The following NSDHL variants were observed in gnomAD, a reference collection of about 807,000 sequenced individuals.
NSDHL encodes sterol-4-alpha-carboxylate 3-dehydrogenase, decarboxylating.
Under a neutral mutation model 23.0 loss-of-function variants are expected in NSDHL, and 1 was observed. That is an observed-to-expected ratio of 0.04 (90% CI 0.02 to 0.21). The LOEUF is 0.21. NSDHL is among the 10% of genes least tolerant of loss of function. NSDHL has a pLI of 1.00. For missense variants in NSDHL, 237 were observed against 300.9 expected, an observed-to-expected ratio of 0.79 and a Z score of 1.57; for synonymous variants, 128 against 121.1, an observed-to-expected ratio of 1.06 and a Z score of -0.37.
intron 3 of NSDHL, among the ~76,000 whole-genome samples, chrX:152,855,069 A>G (rs1044963854): frequency 2.9e-5 from 3 of 102,578 alleles, no homozygotes; most frequent in Non-Finnish European, 5.9e-5. Flanking sequence ...ATCTTGACTC[A>G]CTGCAAACTC....
chrX:152,865,434 T>C (rs1933591347), intron 5 of NSDHL, among the ~76,000 whole-genome samples: 1 of 112,914 alleles, frequency 8.9e-6, no homozygotes, highest in Non-Finnish European at 1.9e-5. Flanking sequence ...CACTGGAGGC[T>C]CACGGCTAAC....
At chrX:152,834,530 G>A (rs1186383070) in intron 1 of NSDHL, among the ~76,000 whole-genome samples, 4 of 112,570 alleles carry the variant, frequency 3.6e-5, no homozygotes, top group African/African-American at 1.3e-4. Flanking sequence ...TCCTAATCTG[G>A]GTATTTTCTT....
rs1206982075 is a variant in NSDHL at position 152,849,529 on chromosome X, C to T, written c.109-736C>T. Among the ~76,000 whole-genome samples the T allele has an allele frequency of 2.7e-5, 3 of 112,604 alleles. No individual in the cohort carries two copies. In the East Asian group the frequency reaches 8.4e-4, roughly 32 times the overall value. On this transcript the variant is annotated intron_variant, in intron 2 of 7. Coordinates refer to ENST00000370274, the MANE Select transcript of NSDHL (RefSeq NM_015922.3). ...TGCCCAGTCACCAGAGTTGGAATTA[C>T]CCAAGGAATCGTGTGTGTTGTGGAG...
At chrX:152,850,243 C>G in intron 2 of NSDHL, 22 bp from the exon 3 acceptor site, 1 of 1,209,042 alleles carries the variant, frequency 8.3e-7, no homozygotes, top group Non-Finnish European at 1.1e-6. Flanking sequence ...TGGTCTTCCC[C>G]ACCGTTCCTC....
intron 4 of NSDHL, 138 bp downstream of exon 4, chrX:152,859,054 G>A (rs1933487622): frequency 2.1e-6 from 1 of 484,831 alleles, no homozygotes; most frequent in African/African-American, 2.4e-5. Context: ...TAGAAATGAA[G>A]CCCTTGGAGT....
Position 152,865,953 on chromosome X carries a change from C to T in NSDHL, c.678C>T (p.Phe226=), listed in dbSNP as rs147293409. The T allele has an allele frequency of 1.0e-4, 121 of 1,211,047 alleles. No individual in the cohort carries two copies. In the African/African-American group the frequency reaches 1.5e-3, roughly 15 times the overall value. Residue 226 remains phenylalanine (F), a synonymous_variant, in exon 6 of 8, where the codon TTC becomes TTT. Transcript: ENST00000370274. ...CAGCCAGGAACGGCAAGATGAAGTTCGTGATTGGGTGAGTCAGCCCACAGC... is the reference window on the plus strand; with the variant it reads ...CAGCCAGGAACGGCAAGATGAAGTTTGTGATTGGGTGAGTCAGCCCACAGC... ...IEAARNGKMK[F]VIGNGKNLVD...
At position 152,835,492 on chromosome X, in the gene NSDHL, C is replaced by T. The variant is rs782290206; in HGVS notation, c.-44+4375C>T. The stretch of plus-strand genomic sequence containing the variant: ...AGGCCCCAGTGTGTGATGTTCCCCG[C>T]CCTGTGTCCAAGTGTTCTTATTGTT... On this transcript the variant is annotated intron_variant, in intron 1 of 7. Coordinates refer to ENST00000370274, the MANE Select transcript of NSDHL (RefSeq NM_015922.3). Among the ~76,000 whole-genome samples, 27 of 101,693 alleles carry T rather than the reference C, an allele frequency of 2.7e-4. 1 individual carries two copies. The East Asian group carries it at 8.0e-3, about 30-fold the overall frequency. The allele number at this position is 101,693 out of a possible 115,157, so 88.3% of individuals were successfully genotyped here. A position where few individuals can be genotyped will look rare whatever the true frequency, so the allele number is the denominator to read the frequency against.
intron 1 of NSDHL, among the ~76,000 whole-genome samples, chrX:152,841,277 C>T (rs937384887): frequency 2.7e-5 from 3 of 112,942 alleles, no homozygotes; most frequent in African/African-American, 6.4e-5. Context: ...AAGGCAACGC[C>T]GTGCCCTGCT....
chrX:152,862,526 A>T, intron 4 of NSDHL, 70 bp from the exon 5 acceptor site: 1 of 1,040,942 alleles, frequency 9.6e-7, no homozygotes, highest in Non-Finnish European at 1.3e-6. Flanking sequence ...ATTCTCTTTC[A>T]TACAGGATCA....
chrX:152,866,899 T>C (rs1933615204), intron 6 of NSDHL, among the ~76,000 whole-genome samples: 1 of 111,773 alleles, frequency 8.9e-6, no homozygotes, highest in Non-Finnish European at 1.9e-5. Context: ...GGGAAGGTAT[T>C]TGTGACCCTG....
At chrX:152,868,339 A>G (rs1452540735) in intron 7 of NSDHL, among the ~76,000 whole-genome samples, 6 of 110,277 alleles carry the variant, frequency 5.4e-5, no homozygotes, top group Non-Finnish European at 9.5e-5. Context: ...GGGTTTCACC[A>G]TGTTGGCCAG....
At chrX:152,868,738 A>G (rs1251950915) in intron 7 of NSDHL, 46 bp from the exon 8 acceptor site, 4 of 1,079,050 alleles carry the variant, frequency 3.7e-6, no homozygotes, top group Admixed American at 2.2e-5. Flanking sequence ...AACTTTGGGC[A>G]GGTGGGGGTG....
chrX:152,836,342 A>G (rs1222823844), intron 1 of NSDHL, among the ~76,000 whole-genome samples: 1 of 112,152 alleles, frequency 8.9e-6, no homozygotes, highest in Non-Finnish European at 1.9e-5. Flanking sequence ...TTTTGTTGCC[A>G]TTGCTTCTGG....
chrX:152,853,740 C>G (rs1933396115), intron 3 of NSDHL, among the ~76,000 whole-genome samples: 1 of 112,320 alleles, frequency 8.9e-6, no homozygotes, highest in Non-Finnish European at 1.9e-5. Context: ...GACCTTTGCA[C>G]TTGGTGTCCT....
At chrX:152,863,451 G>A (rs189915153) in intron 5 of NSDHL, among the ~76,000 whole-genome samples, 44 of 112,321 alleles carry the variant, frequency 3.9e-4, no homozygotes, top group African/African-American at 1.1e-3. Flanking sequence ...AGTTGCAAGC[G>A]TGCAGACAGG....
At chrX:152,845,235 A>C (rs1276462006) in intron 1 of NSDHL, among the ~76,000 whole-genome samples, 3 of 111,911 alleles carry the variant, frequency 2.7e-5, no homozygotes, top group Admixed American at 9.4e-5. Context: ...CATTCGTTAA[A>C]AGTGGCAAGG....
At chrX:152,858,687 C>T in intron 3 of NSDHL, 83 bp from the exon 4 acceptor site, 1 of 858,335 alleles carries the variant, frequency 1.2e-6, no homozygotes. Flanking sequence ...ACCTACAAGC[C>T]ACAGGTTGGA....
chrX:152,861,403 G>A (rs1556847505), intron 4 of NSDHL, among the ~76,000 whole-genome samples: 1 of 113,048 alleles, frequency 8.8e-6, no homozygotes, highest in African/African-American at 3.2e-5. Flanking sequence ...GTCTGCCCAT[G>A]CAGAGAAGCT....
chrX:152,835,947 A>G (rs1556844035), intron 1 of NSDHL, among the ~76,000 whole-genome samples: 1 of 112,210 alleles, frequency 8.9e-6, no homozygotes, highest in African/African-American at 3.2e-5. Flanking sequence ...ATTTCTCCAC[A>G]TCCTCTCCAG....
Sources: allele counts gnomAD v4.1 joint callset (sites outside exome capture counted in the v4.1 genomes callset), GRCh38; gene constraint gnomAD v4.1.1; transcripts MANE v1.5; gene names NCBI Gene and HGNC (gene_info 2026-07-23, HGNC 2026-07-21).